Variants in SH3BP5 observed in about 807,000 individuals in gnomAD.
SH3BP5 encodes SH3 domain binding protein 5.
In SH3BP5, 22 loss-of-function variants were observed where a neutral mutation model predicts 43.3. That is an observed-to-expected ratio of 0.51 (90% CI 0.36 to 0.73). The LOEUF is 0.73. Among genes scored for constraint, SH3BP5 ranks in the 30% least tolerant of loss-of-function variants. The pLI, the probability that SH3BP5 is intolerant of heterozygous loss-of-function variation, is 0.00. For missense variants in SH3BP5, 529 were observed against 586.9 expected (o/e 0.90, Z 1.02); for synonymous variants, 255 against 225.8 (o/e 1.13, Z -1.16).
chr3:15,322,995 C>A (rs912066669), intron 2 of SH3BP5, among the ~76,000 whole-genome samples: 1 of 152,066 alleles, frequency 6.6e-6, no homozygotes, highest in African/African-American at 2.4e-5. Context: ...AAAAATTAGC[C>A]GGGTGTGGTG....
At position 15,257,431 on chromosome 3, in the gene SH3BP5, C is replaced by CCA. The variant is rs1696253102; in HGVS notation, c.890-320_890-319dup. 11 of 267,296 alleles carry CCA rather than the reference C, an allele frequency of 4.1e-5. No homozygotes were observed. In the South Asian group the frequency reaches 6.8e-4, roughly 17 times the overall value. 16.6% of individuals were successfully genotyped at this position (267,296 alleles called of 1,614,324 possible). On this transcript the variant is annotated intron_variant, in intron 7 of 8. Transcript: ENST00000383791. ...TCAGCCACAAATTAGGACCTTTACT[C>CCA]CACCTCAGTCCCCCAAATACATCCT... is the stretch of plus-strand genomic sequence containing the variant.
chr3:15,324,776 G>T (rs918143250), intron 2 of SH3BP5, among the ~76,000 whole-genome samples: 1 of 151,608 alleles, frequency 6.6e-6, no homozygotes, highest in East Asian at 1.9e-4. Flanking sequence ...GGGAGGGGCC[G>T]GGCAGCTTCC....
chr3:15,335,342 C>G (rs1171720977), upstream of SH3BP5, among the ~76,000 whole-genome samples: 1 of 152,064 alleles, frequency 6.6e-6, no homozygotes, highest in Non-Finnish European at 1.5e-5. Context: ...GATACCACTG[C>G]ATTCCAGCCT....
At chr3:15,295,006 T>A (rs1697528921) in intron 3 of SH3BP5, among the ~76,000 whole-genome samples, 1 of 152,108 alleles carries the variant, frequency 6.6e-6, no homozygotes, top group Admixed American at 6.5e-5. Context: ...ACCCTTCCTC[T>A]TGTGCTTCGG....
chr3:15,258,478 A>G lies in SH3BP5; in HGVS notation c.889+353T>C, dbSNP rs115027755. ...AATACAAAGTTAGGCCCTTGCCCACATCATGCCTTAGTAATGATGTAAAGG... is the reference window on the plus strand; with the variant it reads ...AATACAAAGTTAGGCCCTTGCCCACGTCATGCCTTAGTAATGATGTAAAGG... On this transcript the variant is annotated intron_variant, in intron 7 of 8. Coordinates refer to ENST00000383791, the MANE Select transcript of SH3BP5 (RefSeq NM_004844.5). 319 of 299,772 alleles carry G rather than the reference A, an allele frequency of 1.1e-3. 3 individuals carry two copies. The highest frequency in any genetic ancestry group is 6.7e-3 in the African/African-American group (308 of 45,984). The allele number at this position is 299,772 out of a possible 1,614,324, so 18.6% of individuals were successfully genotyped here.
chr3:15,260,200 C>T, intron 5 of SH3BP5: 1 of 229,224 alleles, frequency 4.4e-6, no homozygotes, highest in South Asian at 5.4e-5. Flanking sequence ...TGAAGAGCAG[C>T]TGAGGCTGGA....
rs142103153 is a variant in SH3BP5 at position 15,268,330 on chromosome 3, T to C, written c.495+1383A>G. Among the ~76,000 whole-genome samples, 473 of 152,318 alleles carry C rather than the reference T, an allele frequency of 3.1e-3. 2 individuals carry two copies. Among genetic ancestry groups the C allele is most frequent in the Middle Eastern group, 6.8e-3 (2 of 294 alleles). ...GGTGACATTTAAAAGGGAAATCCTA[T>C]TGGCATTAACCTGCTGACTTTTCTA... On this transcript the variant is annotated intron_variant, in intron 4 of 8. Transcript: ENST00000383791.
chr3:15,305,558 G>A (rs1305558183), intron 2 of SH3BP5, among the ~76,000 whole-genome samples: 2 of 152,182 alleles, frequency 1.3e-5, no homozygotes, highest in Non-Finnish European at 2.9e-5. Flanking sequence ...CCATGTATTA[G>A]AGGGAGAGTC....
chr3:15,333,019 T>C, upstream of SH3BP5: 2 of 857,376 alleles, frequency 2.3e-6, no homozygotes, highest in South Asian at 5.3e-5. Flanking sequence ...CGTGCACTGA[T>C]GCATTGCCGA....
chr3:15,316,561 T>G (rs1215693724), intron 2 of SH3BP5, among the ~76,000 whole-genome samples: 1 of 152,136 alleles, frequency 6.6e-6, no homozygotes, highest in Non-Finnish European at 1.5e-5. Flanking sequence ...TGATGTTACA[T>G]AGGCAACAGA....
intron 4 of SH3BP5, among the ~76,000 whole-genome samples, chr3:15,264,965 C>T (rs889614692): frequency 6.6e-6 from 1 of 151,980 alleles, no homozygotes; most frequent in African/African-American, 2.4e-5. Context: ...TTTGAGGGTC[C>T]TGTACAGAAA....
intron 3 of SH3BP5, among the ~76,000 whole-genome samples, chr3:15,294,021 T>C (rs1697488808): frequency 7.2e-6 from 1 of 138,496 alleles, no homozygotes; most frequent in African/African-American, 2.8e-5. Context: ...GAGGTTGCAG[T>C]GAGCCGAGAT....
In SH3BP5 at chr3:15,259,056, C is replaced by A. The variant is rs1454809647; in HGVS notation, c.670-6G>T. 1.9e-6 allele frequency: 3 copies of A among 1,612,014 alleles called. No individual in the cohort carries two copies. The African/African-American group carries it at 4.0e-5, about 22-fold the overall frequency. On this transcript the variant is annotated splice_polypyrimidine_tract_variant and splice_region_variant and intron_variant, in intron 6 of 8. Coordinates refer to ENST00000383791, the MANE Select transcript of SH3BP5 (RefSeq NM_004844.5). ...TCCACAGTCTTTTTCAGTTGCTGATCAAGAGAACAGGAGACTAAGTGAAGA... is the reference window on the plus strand; with the variant it reads ...TCCACAGTCTTTTTCAGTTGCTGATAAAGAGAACAGGAGACTAAGTGAAGA...
At chr3:15,289,759 C>T (rs577105704) in intron 3 of SH3BP5, among the ~76,000 whole-genome samples, 2 of 152,256 alleles carry the variant, frequency 1.3e-5, no homozygotes, top group South Asian at 4.1e-4. Context: ...GAGGAGCCTA[C>T]ATAAACTAAT....
chr3:15,286,322 G>A (rs553009610), intron 3 of SH3BP5, among the ~76,000 whole-genome samples: 2 of 152,330 alleles, frequency 1.3e-5, no homozygotes, highest in South Asian at 4.1e-4. Flanking sequence ...CTCCATGTGA[G>A]CCCGGGTTCC....
chr3:15,305,098 CAG>C (rs1697864414), intron 2 of SH3BP5, among the ~76,000 whole-genome samples: 1 of 149,644 alleles, frequency 6.7e-6, no homozygotes, highest in African/African-American at 2.5e-5. Context: ...GCCTGGGTGA[CAG>C]AGTGAGACAC....
chr3:15,310,021 T>C (rs1698013152), intron 2 of SH3BP5, among the ~76,000 whole-genome samples: 1 of 150,070 alleles, frequency 6.7e-6, no homozygotes, highest in African/African-American at 2.4e-5. Flanking sequence ...AACCAAAATC[T>C]TTCCTGTCTC....
intron 2 of SH3BP5, among the ~76,000 whole-genome samples, chr3:15,328,729 TGGA>T (rs1698527777): frequency 6.6e-6 from 1 of 152,094 alleles, no homozygotes; most frequent in Non-Finnish European, 1.5e-5. Context: ...ATGCAGGAAC[TGGA>T]GGAGATCTGG....
In SH3BP5 at chr3:15,289,165, G is replaced by T. The variant is rs184727057; in HGVS notation, c.330+14938C>A. 1.1e-4 allele frequency among the ~76,000 whole-genome samples: 16 copies of T among 152,268 alleles called. No homozygotes were observed. In the East Asian group the frequency reaches 2.9e-3, roughly 28 times the overall value. On this transcript the variant is annotated intron_variant, in intron 3 of 8. Coordinates refer to ENST00000383791, the MANE Select transcript of SH3BP5 (RefSeq NM_004844.5). ...AGAAGATAAACTATAGTACCAACGT[G>T]GCAGTCTGTTAGCTGCTCCCAATAT...
Sources: gnomAD v4.1 joint callset for allele counts (sites outside exome capture counted in the v4.1 genomes callset) on GRCh38, gnomAD v4.1.1 for gene constraint, MANE v1.5 for transcripts, NCBI Gene and HGNC (gene_info 2026-07-23, HGNC 2026-07-21) for gene names.